Variants in MCF2L observed in about 807,000 individuals in gnomAD.
The protein encoded by MCF2L is MCF.2 cell line derived transforming sequence like.
In MCF2L, 97 loss-of-function variants were observed where a neutral mutation model predicts 153.4. The observed-to-expected ratio is 0.63, with a 90% CI of 0.54 to 0.75. The LOEUF is 0.75. Ranked by LOEUF, MCF2L falls within the 30% of genes least tolerant of loss-of-function variation. MCF2L has a pLI of 0.00. For synonymous variants in MCF2L, 659 were observed against 632.2 expected, an observed-to-expected ratio of 1.04 and a Z score of -0.64; for missense variants, 1,347 against 1,495.2, an observed-to-expected ratio of 0.90 and a Z score of 1.64.
intron 25 of MCF2L, among the ~76,000 whole-genome samples, chr13:113,089,134 G>A (rs1436649258): frequency 2.0e-5 from 3 of 150,460 alleles, no homozygotes; most frequent in Non-Finnish European, 2.9e-5. Flanking sequence ...TAAATAATCC[G>A]TAGAACAGTA....
In MCF2L at chr13:112,948,495, A is replaced by T. The variant is rs978916931; in HGVS notation, c.169+46124A>T. Among the ~76,000 whole-genome samples, 5 of 152,230 alleles carry T rather than the reference A, an allele frequency of 3.3e-5. No homozygotes were observed. The East Asian group carries it at 9.6e-4, about 29-fold the overall frequency. ...TCACTCTTAAGCTCTGCCTTCCACA[A>T]AGTCCTAGGACATGGACACAATTCA... On this transcript the variant is annotated intron_variant, in intron 2 of 29. Coordinates refer to the MCF2L transcript ENST00000375608.
chr13:113,046,145 C>CTTA lies in MCF2L; in HGVS notation c.369+787_369+789dup, dbSNP rs532422562. ...ATTAAGTCAGCAGAAGCCCCCAAAT[C>CTTA]TTATTTTTGTCGGTAGCTCCCACCC... On this transcript the variant is annotated intron_variant, in intron 4 of 29. Coordinates refer to ENST00000535094, the MANE Select transcript of MCF2L (RefSeq NM_001112732.3). The surrounding 1 kb of genome is among the most constrained non-coding windows in gnomAD (Gnocchi z 4.4). 250 of 164,116 alleles carry CTTA rather than the reference C, an allele frequency of 1.5e-3. No individual in the cohort carries two copies. Among genetic ancestry groups the CTTA allele is most frequent in the Non-Finnish European group, 2.5e-3 (193 of 76,222 alleles). The allele number at this position is 164,116 out of a possible 1,614,324, so 10.2% of individuals were successfully genotyped here.
rs2086802903 is a variant in MCF2L at position 113,046,187 on chromosome 13, C to T, written c.369+826C>T. On this transcript the variant is annotated intron_variant, in intron 4 of 29. Transcript: ENST00000535094. This position sits in a 1 kb window ranked among gnomAD's most constrained non-coding sequence, Gnocchi z 4.4. ...CTCCCACCCGTATGCATGACCCCGG[C>T]ATGGAGCATTTTTCACCCACGCTCG... 4 of 192,548 alleles carry T rather than the reference C, an allele frequency of 2.1e-5. No homozygotes were observed. In the South Asian group the frequency reaches 4.2e-4, roughly 20 times the overall value. The allele number at this position is 192,548 out of a possible 1,614,324, so 11.9% of individuals were successfully genotyped here.
intron 8 of MCF2L, 127 bp downstream of exon 8, chr13:113,066,297 C>A: frequency 1.7e-6 from 2 of 1,163,052 alleles, no homozygotes; most frequent in Non-Finnish European, 2.3e-6. Context: ...AACCCCACTC[C>A]TGGCCAGGGC....
intron 26 of MCF2L, 124 bp from the exon 27 acceptor site, chr13:113,094,390 G>C (rs2035472210): frequency 2.1e-6 from 2 of 962,324 alleles, no homozygotes; most frequent in East Asian, 2.8e-5. Context: ...AAGATGACAG[G>C]CTCTGTTGGG....
intron 2 of MCF2L, among the ~76,000 whole-genome samples, chr13:112,916,941 CTG>C (rs1020413684): frequency 6.6e-6 from 1 of 152,074 alleles, no homozygotes; most frequent in Non-Finnish European, 1.5e-5. Flanking sequence ...TGCCGGACCT[CTG>C]AGGGTCCTGC....
At chr13:113,006,662 G>A (rs563035615) in intron 1 of MCF2L, among the ~76,000 whole-genome samples, 4 of 152,358 alleles carry the variant, frequency 2.6e-5, no homozygotes, top group South Asian at 4.1e-4. Flanking sequence ...AAAGGGAGAC[G>A]TGTGCATCTC....
At chr13:113,095,594 G>A (rs537397136) in intron 27 of MCF2L, 95 of 996,208 alleles carry the variant, frequency 9.5e-5, no homozygotes, top group South Asian at 2.7e-4. Context: ...CCCAGTCACC[G>A]TCCTCTTGCT....
intron 20 of MCF2L, 60 bp downstream of exon 20, chr13:113,085,238 C>A: frequency 6.6e-7 from 1 of 1,522,452 alleles, no homozygotes; most frequent in Non-Finnish European, 9.1e-7. Context: ...GGTGTCTGTG[C>A]CGCCCTGGGG....
chr13:112,942,726 A>G (rs1383421495), intron 2 of MCF2L, among the ~76,000 whole-genome samples: 1 of 152,220 alleles, frequency 6.6e-6, no homozygotes, highest in Non-Finnish European at 1.5e-5. Flanking sequence ...GTTCAGATGC[A>G]GGTAACCAAG....
At chr13:112,961,486 C>T (rs2081825184) in intron 2 of MCF2L, among the ~76,000 whole-genome samples, 1 of 152,236 alleles carries the variant, frequency 6.6e-6, no homozygotes, top group South Asian at 2.1e-4. Flanking sequence ...CTGAGGAGCT[C>T]TGGTTCCTCC....
In MCF2L at chr13:113,070,913, T is replaced by A. The variant is rs1455522468; in HGVS notation, c.996+740T>A. Among the ~76,000 whole-genome samples the A allele has an allele frequency of 6.6e-6, 1 of 152,266 alleles. No homozygotes were observed. Among genetic ancestry groups the A allele is most frequent in the Non-Finnish European group, 1.5e-5 (1 of 68,050 alleles). On this transcript the variant is annotated intron_variant, in intron 9 of 29. Coordinates refer to ENST00000535094, the MANE Select transcript of MCF2L (RefSeq NM_001112732.3). This position sits in a 1 kb window ranked among gnomAD's most constrained non-coding sequence, Gnocchi z 5.6. ...AAACATTGATATACTGATGTTGGTGTAAATGTAAGTTTTCATTTCTTGGGC... is the reference window on the plus strand; with the variant it reads ...AAACATTGATATACTGATGTTGGTGAAAATGTAAGTTTTCATTTCTTGGGC...
chr13:112,958,081 A>G (rs1291091030), intron 2 of MCF2L: 1 of 152,196 alleles, frequency 6.6e-6, no homozygotes, highest in Non-Finnish European at 1.5e-5. Flanking sequence ...TCTTCCTCAG[A>G]TGCCAGTTTG....
chr13:112,921,793 G>A (rs1405042822), intron 2 of MCF2L, among the ~76,000 whole-genome samples: 1 of 152,164 alleles, frequency 6.6e-6, no homozygotes, highest in Non-Finnish European at 1.5e-5. Context: ...TGGAGGCCAT[G>A]CCAGCTAAAG....
chr13:112,984,577 G>A (rs2082560571), intron 1 of MCF2L, among the ~76,000 whole-genome samples: 1 of 152,176 alleles, frequency 6.6e-6, no homozygotes, highest in African/African-American at 2.4e-5. Flanking sequence ...GATTGGCACA[G>A]GAAGTTTCAA....
At chr13:113,093,334 C>T (rs2035378203) in intron 26 of MCF2L, among the ~76,000 whole-genome samples, 3 of 152,248 alleles carry the variant, frequency 2.0e-5, no homozygotes, top group Admixed American at 2.0e-4. Context: ...CAACTGCCTC[C>T]AGCTGTGACC....
chr13:113,076,646 C>A (rs2033509399), intron 12 of MCF2L, among the ~76,000 whole-genome samples: 1 of 152,244 alleles, frequency 6.6e-6, no homozygotes. Context: ...CCTTTCAACA[C>A]AGAAATTATT....
intron 2 of MCF2L, among the ~76,000 whole-genome samples, chr13:112,905,475 T>TA (rs1273818747): frequency 6.6e-6 from 1 of 152,180 alleles, no homozygotes; most frequent in African/African-American, 2.4e-5. Flanking sequence ...TTACCGTAAC[T>TA]AGGGGCAAGG....
chr13:112,921,197 A>G (rs1386122055), intron 2 of MCF2L, among the ~76,000 whole-genome samples: 2 of 152,178 alleles, frequency 1.3e-5, no homozygotes, highest in Admixed American at 1.3e-4. Flanking sequence ...AACAAAACAA[A>G]ACAGAACAAA....
Sources: gnomAD v4.1 joint callset for allele counts (sites outside exome capture counted in the v4.1 genomes callset) on GRCh38, gnomAD v4.1.1 for gene constraint, Gnocchi (gnomAD v3.1) non-coding constraint, MANE v1.5 for transcripts, NCBI Gene and HGNC (gene_info 2026-07-23, HGNC 2026-07-21) for gene names.